The following UBE2R2 variants were observed in gnomAD, a reference collection of about 807,000 sequenced individuals.
UBE2R2 encodes the protein ubiquitin conjugating enzyme E2 R2.
Under a neutral mutation model 27.8 loss-of-function variants are expected in UBE2R2, and 1 was observed. That is an observed-to-expected ratio of 0.04 (90% CI 0.01 to 0.17). UBE2R2 has a LOEUF of 0.17. UBE2R2 is among the 10% of genes least tolerant of loss of function. UBE2R2 has a pLI of 1.00. For synonymous variants in UBE2R2, 106 were observed against 113.3 expected, an observed-to-expected ratio of 0.94 and a Z score of 0.41; for missense variants, 100 against 291.0, an observed-to-expected ratio of 0.34 and a Z score of 4.78.
chr9:33,834,378 A>AT (rs1224174508), intron 1 of UBE2R2, among the ~76,000 whole-genome samples: 1 of 151,178 alleles, frequency 6.6e-6, no homozygotes, highest in Non-Finnish European at 1.5e-5. Flanking sequence ...CACCCAGCTG[A>AT]TTTTTTGTAT....
intron 1 of UBE2R2, among the ~76,000 whole-genome samples, chr9:33,844,496 G>A (rs1043474554): frequency 6.8e-6 from 1 of 146,162 alleles, no homozygotes; most frequent in Non-Finnish European, 1.5e-5. Flanking sequence ...GAGCCACCAC[G>A]CCTAGCTGTC....
At chr9:33,882,530 G>A (rs533439629) in intron 1 of UBE2R2, among the ~76,000 whole-genome samples, 21 of 152,204 alleles carry the variant, frequency 1.4e-4, no homozygotes, top group East Asian at 3.9e-4. Flanking sequence ...TGATCCACCC[G>A]CCTAGGGCTC....
At chr9:33,837,827 A>G (rs1820647691) in intron 1 of UBE2R2, among the ~76,000 whole-genome samples, 1 of 151,950 alleles carries the variant, frequency 6.6e-6, no homozygotes, top group African/African-American at 2.4e-5. Flanking sequence ...GGTGTGATCC[A>G]CTGGGCTTAG....
intron 1 of UBE2R2, among the ~76,000 whole-genome samples, chr9:33,821,075 C>T (rs1035728710): frequency 2.0e-5 from 3 of 152,108 alleles, no homozygotes; most frequent in Non-Finnish European, 4.4e-5. Context: ...CTAAGCAAGT[C>T]GGAATTTTAT....
At chr9:33,871,801 C>T (rs1353918764) in intron 1 of UBE2R2, among the ~76,000 whole-genome samples, 3 of 152,202 alleles carry the variant, frequency 2.0e-5, no homozygotes, top group Admixed American at 2.0e-4. Flanking sequence ...ACCTCCACCT[C>T]CTGGGTTCGA....
At chr9:33,860,170 G>A (rs931917608) in intron 1 of UBE2R2, among the ~76,000 whole-genome samples, 1 of 151,730 alleles carries the variant, frequency 6.6e-6, no homozygotes, top group East Asian at 1.9e-4. Context: ...TATGTAAAAG[G>A]AAGTTCTTTT....
At position 33,877,823 on chromosome 9, in the gene UBE2R2, G is replaced by GTCTCTCTCTCTCTCTCTC. The variant is rs1554675184; in HGVS notation, c.178-9049_178-9032dup. ...TCTCTGTCTGTCTGTCTGTCTGTCTGTCTCTCTCTCTCTCTCTCTCTCTCT... is the reference window on the plus strand; with the variant it reads ...TCTCTGTCTGTCTGTCTGTCTGTCTGTCTCTCTCTCTCTCTCTCTCTCTCTCTCTCTCTCTCTCTCTCT... On this transcript the variant is annotated intron_variant, in intron 1 of 4. Coordinates refer to ENST00000263228, the MANE Select transcript of UBE2R2 (RefSeq NM_017811.4). Among the ~76,000 whole-genome samples, 1,029 of 131,034 alleles carry GTCTCTCTCTCTCTCTCTC rather than the reference G, an allele frequency of 7.9e-3. 11 individuals carry two copies. Among genetic ancestry groups the GTCTCTCTCTCTCTCTCTC allele is most frequent in the South Asian group, 0.014 (56 of 3,864 alleles). 86.0% of individuals were successfully genotyped at this position (131,034 alleles called of 152,430 possible).
intron 4 of UBE2R2, among the ~76,000 whole-genome samples, chr9:33,916,754 T>A (rs772302932): frequency 8.5e-5 from 13 of 152,206 alleles, no homozygotes; most frequent in Non-Finnish European, 7.3e-5. Context: ...ACGAGGTGAT[T>A]CTGGCTATAA....
chr9:33,826,241 C>G (rs1275998360), intron 1 of UBE2R2, among the ~76,000 whole-genome samples: 2 of 151,824 alleles, frequency 1.3e-5, no homozygotes, highest in Non-Finnish European at 2.9e-5. Context: ...AATTGTTATT[C>G]AGAGATTATG....
intron 1 of UBE2R2, among the ~76,000 whole-genome samples, chr9:33,850,369 C>T (rs1002095925): frequency 1.1e-4 from 16 of 152,090 alleles, no homozygotes; most frequent in Non-Finnish European, 2.1e-4. Flanking sequence ...CAAAGAGGAT[C>T]GCTGCAGAGA....
intron 1 of UBE2R2, among the ~76,000 whole-genome samples, chr9:33,854,269 CCTT>C (rs1563988999): frequency 6.6e-6 from 1 of 151,678 alleles, no homozygotes; most frequent in African/African-American, 2.4e-5. Context: ...GAAAAGACTT[CCTT>C]CTTTATCTTT....
chr9:33,876,711 C>T (rs529455549), intron 1 of UBE2R2, among the ~76,000 whole-genome samples: 1 of 152,070 alleles, frequency 6.6e-6, no homozygotes, highest in Non-Finnish European at 1.5e-5. Context: ...GTCAGGAGAT[C>T]GAGACCATCC....
chr9:33,893,270 A>G (rs1174106524), intron 2 of UBE2R2, among the ~76,000 whole-genome samples: 1 of 152,152 alleles, frequency 6.6e-6, no homozygotes, highest in Non-Finnish European at 1.5e-5. Flanking sequence ...TGCTGTCTCT[A>G]TAGATTTACA....
rs964353369 is a variant in UBE2R2, at chr9:33,827,278, A to G, written c.177+9344A>G. On this transcript the variant is annotated intron_variant, in intron 1 of 4. Transcript: ENST00000263228. ...TGGGAGGTCGAGGCTTCAGTGAGCC[A>G]TGAGCATGCCATTGTACTCTAGCTG... Among the ~76,000 whole-genome samples the G allele has an allele frequency of 2.6e-5, 4 of 152,324 alleles. No homozygotes were observed. In the East Asian group the frequency reaches 7.7e-4, roughly 29 times the overall value.
At chr9:33,862,497 T>C (rs1821261796) in intron 1 of UBE2R2, among the ~76,000 whole-genome samples, 1 of 152,228 alleles carries the variant, frequency 6.6e-6, no homozygotes, top group Admixed American at 6.5e-5. Context: ...ATTTCTCTCT[T>C]TGGCTGAATT....
At chr9:33,913,085 C>T (rs1368410731) in intron 4 of UBE2R2, among the ~76,000 whole-genome samples, 1 of 151,924 alleles carries the variant, frequency 6.6e-6, no homozygotes, top group Non-Finnish European at 1.5e-5. Flanking sequence ...CTCAGCCTCC[C>T]GAGTAGCTGG....
At chr9:33,884,786 T>C (rs1301700910) in intron 1 of UBE2R2, among the ~76,000 whole-genome samples, 1 of 152,178 alleles carries the variant, frequency 6.6e-6, no homozygotes, top group Non-Finnish European at 1.5e-5. Flanking sequence ...TTTCTCCTGT[T>C]GTATGGACCA....
At chr9:33,916,990 A>G in intron 4 of UBE2R2, 28 bp from the exon 5 acceptor site, 1 of 1,612,856 alleles carries the variant, frequency 6.2e-7, no homozygotes, top group Non-Finnish European at 8.5e-7. Flanking sequence ...ACTTACCGTA[A>G]ACCATTTCTG....
At chr9:33,827,067 G>T (rs975854864) in intron 1 of UBE2R2, among the ~76,000 whole-genome samples, 1 of 152,132 alleles carries the variant, frequency 6.6e-6, no homozygotes, top group Non-Finnish European at 1.5e-5. Context: ...GCGCCACTGC[G>T]CTCCAGCCTG....
Sources: allele counts gnomAD v4.1 joint callset (sites outside exome capture counted in the v4.1 genomes callset), GRCh38; gene constraint gnomAD v4.1.1; transcripts MANE v1.5; gene names NCBI Gene and HGNC (gene_info 2026-07-23, HGNC 2026-07-21).